The following RPH3A variants were observed in gnomAD, a reference collection of about 807,000 sequenced individuals.
The protein encoded by RPH3A is rabphilin-3A.
Under a neutral mutation model 102.2 loss-of-function variants are expected in RPH3A, and 48 were observed. The ratio of observed to expected loss-of-function variants is 0.47; its 90% CI spans 0.37 to 0.60. The LOEUF is 0.60. RPH3A is among the 20% of genes least tolerant of loss of function. RPH3A has a pLI of 0.00. For missense variants in RPH3A, 781 were observed against 910.1 expected, an observed-to-expected ratio of 0.86 and a Z score of 1.83; for synonymous variants, 310 against 324.3, an observed-to-expected ratio of 0.96 and a Z score of 0.47.
chr12:112,701,409 G>C (rs1217008049), intron 1 of RPH3A, among the ~76,000 whole-genome samples: 1 of 152,196 alleles, frequency 6.6e-6, no homozygotes, highest in African/African-American at 2.4e-5. Context: ...GACAACCATA[G>C]GAGAGAGGGA....
At chr12:112,627,791 A>G (rs912491807) in intron 1 of RPH3A, among the ~76,000 whole-genome samples, 3 of 152,190 alleles carry the variant, frequency 2.0e-5, no homozygotes, top group Non-Finnish European at 4.4e-5. Context: ...AACAAGGCAT[A>G]TTAGTCCATT....
chr12:112,581,479 G>A (rs1420522790), intron 1 of RPH3A, among the ~76,000 whole-genome samples: 1 of 152,142 alleles, frequency 6.6e-6, no homozygotes, highest in African/African-American at 2.4e-5. Flanking sequence ...CATATTAAGA[G>A]TCTCGACAAA....
chr12:112,698,392 G>A (rs1370199670), intron 1 of RPH3A, among the ~76,000 whole-genome samples: 3 of 152,154 alleles, frequency 2.0e-5, no homozygotes, highest in Non-Finnish European at 4.4e-5. Flanking sequence ...ATAAAATAAT[G>A]ATAAATTTGA....
rs1485956682 is a variant in RPH3A, at chr12:112,883,368, A to G, written c.1402A>G (p.Ile468Val). The G allele has an allele frequency of 6.2e-7, 1 of 1,614,174 alleles. No individual in the cohort carries two copies. Among genetic ancestry groups the G allele is most frequent in the Non-Finnish European group, 8.5e-7 (1 of 1,180,018 alleles). Residue 468 changes from isoleucine (I) to valine (V), a missense_variant, in exon 16 of 22, where the codon ATC becomes GTC. Ile to Val is a conservative substitution (Grantham distance 29, BLOSUM62 3). Coordinates refer to ENST00000389385, the MANE Select transcript of RPH3A (RefSeq NM_001143854.2). ...IWNETLVYHG[I>V]TDEDMQRKTL... ...GAATGAGACCCTCGTGTATCACGGC[A>G]TCACCGATGAGGACATGCAAAGGAA...
At chr12:112,615,150 G>A (rs2135976716) in intron 1 of RPH3A, among the ~76,000 whole-genome samples, 1 of 152,224 alleles carries the variant, frequency 6.6e-6, no homozygotes, top group African/African-American at 2.4e-5. Context: ...CACATAGTAG[G>A]TGCTGCAAAA....
chr12:112,734,567 A>C (rs547669380), intron 1 of RPH3A, among the ~76,000 whole-genome samples: 1 of 152,210 alleles, frequency 6.6e-6, no homozygotes, highest in Non-Finnish European at 1.5e-5. Flanking sequence ...GTTTATTAAG[A>C]AAGTAAAGGA....
intron 2 of RPH3A, among the ~76,000 whole-genome samples, chr12:112,805,013 C>T (rs1002403595): frequency 1.4e-4 from 21 of 151,930 alleles, no homozygotes; most frequent in African/African-American, 4.6e-4. Context: ...AAAATGTTGC[C>T]GACCGAGTTT....
chr12:112,866,275 C>A (rs1258335369), intron 6 of RPH3A, among the ~76,000 whole-genome samples: 1 of 152,174 alleles, frequency 6.6e-6, no homozygotes. Flanking sequence ...TTAAGTTTTC[C>A]TAATTGTCTT....
intron 1 of RPH3A, among the ~76,000 whole-genome samples, chr12:112,663,952 T>A (rs556597295): frequency 1.6e-4 from 25 of 152,278 alleles, no homozygotes; most frequent in African/African-American, 6.0e-4. Flanking sequence ...GATGGCAGAC[T>A]CTGATTGACT....
intron 1 of RPH3A, among the ~76,000 whole-genome samples, chr12:112,669,657 A>G (rs576707029): frequency 1.2e-4 from 18 of 152,356 alleles, no homozygotes; most frequent in African/African-American, 4.1e-4. Flanking sequence ...TTTTATAAAC[A>G]TATTTTCTAG....
chr12:112,708,207 G>A (rs2040437744), intron 1 of RPH3A, among the ~76,000 whole-genome samples: 1 of 152,206 alleles, frequency 6.6e-6, no homozygotes, highest in Non-Finnish European at 1.5e-5. Flanking sequence ...CTACAGGGAA[G>A]TAGGTCAAAT....
intron 5 of RPH3A, among the ~76,000 whole-genome samples, chr12:112,854,391 G>A (rs2042374820): frequency 6.6e-6 from 1 of 152,244 alleles, no homozygotes; most frequent in Admixed American, 6.5e-5. Flanking sequence ...TTGGCATCAT[G>A]TGCCAGCACT....
chr12:112,815,544 A>T (rs2041657096), intron 2 of RPH3A, among the ~76,000 whole-genome samples: 1 of 152,078 alleles, frequency 6.6e-6, no homozygotes, highest in Admixed American at 6.6e-5. Flanking sequence ...TTTAAAGGAG[A>T]AAAATGCCCC....
chr12:112,814,477 T>G (rs930831818), intron 2 of RPH3A, among the ~76,000 whole-genome samples: 17 of 152,204 alleles, frequency 1.1e-4, no homozygotes, highest in African/African-American at 3.9e-4. Flanking sequence ...TAGCATGTTT[T>G]CATTTTGATG....
At chr12:112,592,566 G>A (rs187229869) in intron 1 of RPH3A, among the ~76,000 whole-genome samples, 308 of 152,278 alleles carry the variant, frequency 2.0e-3, no homozygotes, top group Non-Finnish European at 3.9e-3. Context: ...TGATCTGCCC[G>A]CCTTGGCCTT....
In RPH3A at chr12:112,879,171, C is replaced by G; in HGVS notation, c.1224C>G (p.Ser408=). The G allele has an allele frequency of 6.2e-7, 1 of 1,614,084 alleles. No homozygotes were observed. The highest frequency in any genetic ancestry group is 8.5e-7 in the Non-Finnish European group (1 of 1,179,960). The change falls in exon 14 of 22, where the codon TCC becomes TCG. Residue 408 remains serine (S), a synonymous_variant. Coordinates refer to ENST00000389385, the MANE Select transcript of RPH3A (RefSeq NM_001143854.2). The part of the protein sequence containing the change: ...FSLLYDQDNS[S]LQCTIIKAKG... Reference sequence around the variant, plus strand: ...TTCTCTACGACCAGGACAACAGCTCCCTGCAGTGCACCATCATTAAGGCCA... The same window carrying G: ...TTCTCTACGACCAGGACAACAGCTCGCTGCAGTGCACCATCATTAAGGCCA...
intron 2 of RPH3A, among the ~76,000 whole-genome samples, chr12:112,801,515 G>A (rs947400748): frequency 2.0e-5 from 3 of 152,186 alleles, no homozygotes; most frequent in East Asian, 1.9e-4. Flanking sequence ...TAAGTGCTTC[G>A]AGGAAAGCTC....
intron 2 of RPH3A, among the ~76,000 whole-genome samples, chr12:112,820,202 T>C (rs1230304881): frequency 1.3e-5 from 2 of 152,204 alleles, no homozygotes; most frequent in Non-Finnish European, 2.9e-5. Context: ...ATTTAGTGCT[T>C]TTCCAATCAC....
In RPH3A at chr12:112,726,761, G is replaced by A. The variant is rs141716361; in HGVS notation, c.-139-65382G>A. Among the ~76,000 whole-genome samples the A allele has an allele frequency of 2.0e-3, 310 of 152,212 alleles. 5 individuals carry two copies. The highest frequency in any genetic ancestry group is 7.3e-3 in the African/African-American group (304 of 41,526). ...TTTCTGGCTGGGTGCAGTGGCTCAC[G>A]CCTGTAATCCTAGCACTTTGGGAGG... On this transcript the variant is annotated intron_variant, in intron 1 of 21. Coordinates refer to the RPH3A transcript ENST00000543106.
Sources: allele counts gnomAD v4.1 joint callset (sites outside exome capture counted in the v4.1 genomes callset), GRCh38; gene constraint gnomAD v4.1.1; transcripts MANE v1.5; gene names NCBI Gene and HGNC (gene_info 2026-07-23, HGNC 2026-07-21).